Variants in SIPA1L3 observed in about 807,000 individuals in gnomAD.
The protein encoded by SIPA1L3 is signal induced proliferation associated 1 like 3.
SIPA1L3 carries 59 observed loss-of-function variants against 150.1 expected under a neutral mutation model. The observed-to-expected ratio is 0.39, with a 90% CI of 0.32 to 0.49. The LOEUF is 0.49. Ranked by LOEUF, SIPA1L3 falls within the 20% of genes least tolerant of loss-of-function variation. The pLI is 0.86. For missense variants in SIPA1L3, 2,211 were observed against 2,489.5 expected, an observed-to-expected ratio of 0.89 and a Z score of 2.38; for synonymous variants, 1,070 against 1,077.6, an observed-to-expected ratio of 0.99 and a Z score of 0.14.
At chr19:38,008,374 C>T (rs998695477) in intron 1 of SIPA1L3, among the ~76,000 whole-genome samples, 28 of 151,724 alleles carry the variant, frequency 1.8e-4, no homozygotes, top group Non-Finnish European at 3.2e-4. Context: ...ACTACAGGCA[C>T]CTGCCACCAT....
At chr19:37,979,708 A>G (rs1967155515) in intron 1 of SIPA1L3, among the ~76,000 whole-genome samples, 1 of 152,126 alleles carries the variant, frequency 6.6e-6, no homozygotes, top group Admixed American at 6.5e-5. Flanking sequence ...CCACCCCCCA[A>G]ACCTACAATA....
At chr19:38,133,031 C>G (rs1432782474) in intron 10 of SIPA1L3, among the ~76,000 whole-genome samples, 1 of 152,200 alleles carries the variant, frequency 6.6e-6, no homozygotes, top group Non-Finnish European at 1.5e-5. Context: ...GGCGGCCTCC[C>G]CATGGTGTCC....
At chr19:37,977,420 T>C (rs1967101751) in intron 1 of SIPA1L3, among the ~76,000 whole-genome samples, 1 of 152,224 alleles carries the variant, frequency 6.6e-6, no homozygotes, top group East Asian at 1.9e-4. Context: ...AGGTCCTGCC[T>C]TGGCCTCCCA....
chr19:38,189,027 C>A (rs913673633), intron 16 of SIPA1L3, among the ~76,000 whole-genome samples: 7 of 152,118 alleles, frequency 4.6e-5, no homozygotes, highest in African/African-American at 1.7e-4. Context: ...CAGAAATGTT[C>A]CAAACGTGAC....
chr19:37,965,185 A>G (rs572099447), intron 1 of SIPA1L3, among the ~76,000 whole-genome samples: 5 of 152,152 alleles, frequency 3.3e-5, no homozygotes, highest in Non-Finnish European at 7.4e-5. Context: ...TTTAAAATCA[A>G]ATTTGCTAGT....
intron 9 of SIPA1L3, among the ~76,000 whole-genome samples, chr19:38,123,507 C>T (rs577124492): frequency 6.0e-4 from 41 of 67,982 alleles, no homozygotes; most frequent in Admixed American, 8.3e-4. Flanking sequence ...TTTAACAAAG[C>T]ACATCTTGCA....
At chr19:38,195,632 G>A (rs12610323) in intron 18 of SIPA1L3, among the ~76,000 whole-genome samples, 11,245 of 152,172 alleles carry the variant, frequency 0.074, 789 homozygotes, top group East Asian at 0.32. Context: ...CGGCCACCAC[G>A]GAGAGGTGGT....
At chr19:37,934,671 C>T (rs1308415316) in intron 1 of SIPA1L3, among the ~76,000 whole-genome samples, 1 of 135,166 alleles carries the variant, frequency 7.4e-6, no homozygotes, top group Non-Finnish European at 1.6e-5. Context: ...CCACCCCCGA[C>T]CCTGGTTCCA....
chr19:38,002,764 A>C (rs1016268017), intron 1 of SIPA1L3, among the ~76,000 whole-genome samples: 4 of 149,652 alleles, frequency 2.7e-5, no homozygotes, highest in East Asian at 2.0e-4. Flanking sequence ...ATATATATAT[A>C]TCTCACATTT....
At chr19:38,048,338 A>C (rs535823777) in intron 2 of SIPA1L3, among the ~76,000 whole-genome samples, 1 of 152,294 alleles carries the variant, frequency 6.6e-6, no homozygotes, top group South Asian at 2.1e-4. Flanking sequence ...TCAGGTTCTC[A>C]GCCTCCAAAG....
chr19:38,178,194 A>AT (rs1157751442), intron 15 of SIPA1L3, among the ~76,000 whole-genome samples: 1 of 145,578 alleles, frequency 6.9e-6, no homozygotes, highest in African/African-American at 2.6e-5. Flanking sequence ...GGCTATTTTT[A>AT]TTTTTTTGTG....
chr19:37,965,204 C>T (rs947905916), intron 1 of SIPA1L3, among the ~76,000 whole-genome samples: 1 of 152,054 alleles, frequency 6.6e-6, no homozygotes, highest in African/African-American at 2.4e-5. Context: ...GTTTGTATTA[C>T]TCAGATTCTC....
At chr19:37,940,946 T>G (rs1191530797) in intron 1 of SIPA1L3, among the ~76,000 whole-genome samples, 1 of 152,124 alleles carries the variant, frequency 6.6e-6, no homozygotes, top group Non-Finnish European at 1.5e-5. Context: ...TTGTCCTGTA[T>G]ATGATCAGGC....
intron 2 of SIPA1L3, among the ~76,000 whole-genome samples, chr19:38,069,710 G>C (rs918317183): frequency 2.0e-5 from 3 of 151,888 alleles, no homozygotes; most frequent in Non-Finnish European, 2.9e-5. Flanking sequence ...TGTCTCCCAG[G>C]CTGGAGTGCA....
intron 1 of SIPA1L3, among the ~76,000 whole-genome samples, chr19:37,912,198 C>T (rs113780766): frequency 0.019 from 2,835 of 151,806 alleles, 45 homozygotes; most frequent in South Asian, 0.077. Flanking sequence ...GATTGTACCA[C>T]TGCACTCTAG....
chr19:38,049,042 A>G (rs1426160706), intron 2 of SIPA1L3, among the ~76,000 whole-genome samples: 1 of 149,450 alleles, frequency 6.7e-6, no homozygotes, highest in African/African-American at 2.5e-5. Flanking sequence ...AGATTGCGCC[A>G]CTGCACTCCA....
At chr19:38,037,771 C>T (rs1409509607) in intron 2 of SIPA1L3, among the ~76,000 whole-genome samples, 1 of 152,068 alleles carries the variant, frequency 6.6e-6, no homozygotes, top group Non-Finnish European at 1.5e-5. Context: ...CAATAAGGAG[C>T]GTATGGATTG....
chr19:38,177,323 T>C (rs1972457333), intron 15 of SIPA1L3, among the ~76,000 whole-genome samples: 1 of 146,368 alleles, frequency 6.8e-6, no homozygotes, highest in Admixed American at 7.0e-5. Flanking sequence ...ACTGCGCCAC[T>C]GCACTCCAGC....
chr19:37,910,401 T>A (rs1035795789), intron 1 of SIPA1L3, among the ~76,000 whole-genome samples: 16 of 151,862 alleles, frequency 1.1e-4, no homozygotes, highest in African/African-American at 3.9e-4. Context: ...AAACCCCATC[T>A]CTACAAAAAA....
Sources: allele counts gnomAD v4.1 joint callset (sites outside exome capture counted in the v4.1 genomes callset), GRCh38; gene constraint gnomAD v4.1.1; transcripts MANE v1.5; gene names NCBI Gene and HGNC (gene_info 2026-07-23, HGNC 2026-07-21).